Variants in TMED10 observed in about 807,000 individuals in gnomAD.
TMED10 encodes the protein transmembrane emp24 domain-containing protein 10.
In TMED10, 7 loss-of-function variants were observed where a neutral mutation model predicts 23.1. The ratio of observed to expected loss-of-function variants is 0.30; its 90% CI spans 0.17 to 0.57. The LOEUF is 0.57. Ranked by LOEUF, TMED10 falls within the 20% of genes least tolerant of loss-of-function variation. The pLI is 0.91. For missense variants in TMED10, 162 were observed against 274.8 expected, an observed-to-expected ratio of 0.59 and a Z score of 2.90; for synonymous variants, 113 against 106.9, an observed-to-expected ratio of 1.06 and a Z score of -0.35.
chr14:75,173,239 T>C (rs973345068), intron 1 of TMED10, among the ~76,000 whole-genome samples: 1 of 152,094 alleles, frequency 6.6e-6, no homozygotes, highest in South Asian at 2.1e-4. Context: ...ATATGAAAAC[T>C]AGCCGGATAT....
At chr14:75,158,568 T>G (rs1896049449) in intron 1 of TMED10, among the ~76,000 whole-genome samples, 1 of 151,872 alleles carries the variant, frequency 6.6e-6, no homozygotes, top group Non-Finnish European at 1.5e-5. Flanking sequence ...GCTCAAGTGA[T>G]CCTCCCACCT....
chr14:75,134,633 C>T lies in TMED10; in HGVS notation c.*252G>A, dbSNP rs373452683. On this transcript the variant is annotated 3_prime_UTR_variant, in exon 5 of 5. Transcript: ENST00000303575. ...TATCTAGGTAACCCCTATTTTTTGT[C>T]ATAGGTGACTCTAATAATAGACCTA... 4 of 398,838 alleles carry T rather than the reference C, an allele frequency of 1.0e-5. No individual in the cohort carries two copies. Among genetic ancestry groups the T allele is most frequent in the South Asian group, 3.1e-5 (1 of 32,672 alleles). The allele number at this position is 398,838 out of a possible 1,614,324, so 24.7% of individuals were successfully genotyped here. A position where few individuals can be genotyped will look rare whatever the true frequency, so the allele number is the denominator to read the frequency against.
intron 4 of TMED10, 181 bp downstream of exon 4, chr14:75,135,579 C>G (rs1895739422): frequency 1.3e-6 from 1 of 771,818 alleles, no homozygotes; most frequent in African/African-American, 1.8e-5. Flanking sequence ...GTAGGAGTTT[C>G]TACTCTCTTG....
intron 3 of TMED10, among the ~76,000 whole-genome samples, chr14:75,142,584 A>G (rs529723515): frequency 2.0e-5 from 3 of 152,194 alleles, no homozygotes; most frequent in Non-Finnish European, 4.4e-5. Context: ...CACACAGTTA[A>G]CACTCAATCA....
At chr14:75,135,323 C>G (rs1180343177) in intron 4 of TMED10, among the ~76,000 whole-genome samples, 1 of 152,012 alleles carries the variant, frequency 6.6e-6, no homozygotes, top group Admixed American at 6.6e-5. Context: ...GCCTATAGTC[C>G]CAGCTACTTG....
intron 1 of TMED10, among the ~76,000 whole-genome samples, chr14:75,160,365 G>A (rs1440802448): frequency 1.3e-5 from 2 of 152,106 alleles, no homozygotes; most frequent in African/African-American, 4.8e-5. Flanking sequence ...TGACTAACCA[G>A]AGCCAGCAAA....
In TMED10 at chr14:75,152,126, G is replaced by A; in HGVS notation, c.243C>T (p.Gly81=). The A allele has an allele frequency of 6.2e-7, 1 of 1,613,626 alleles. No homozygotes were observed. The highest frequency in any genetic ancestry group is 8.5e-7 in the Non-Finnish European group (1 of 1,179,756). ...RSHLKITDSA[G]HILYSKEDAT... Reference sequence around the variant, plus strand: ...CATCCTCTTTGGAGTAGAGAATATGGCCAGCAGAATCTGTGATCTAAAATA... The same window carrying A: ...CATCCTCTTTGGAGTAGAGAATATGACCAGCAGAATCTGTGATCTAAAATA... The change falls in exon 2 of 5, where the codon GGC becomes GGT. Residue 81 remains glycine (G), a synonymous_variant. Coordinates refer to ENST00000303575, the MANE Select transcript of TMED10 (RefSeq NM_006827.6).
chr14:75,163,457 G>A (rs1419806585), intron 1 of TMED10, among the ~76,000 whole-genome samples: 1 of 150,800 alleles, frequency 6.6e-6, no homozygotes, highest in African/African-American at 2.4e-5. Flanking sequence ...GGCAGCTGAG[G>A]CAGCAGAATC....
chr14:75,144,404 A>G (rs1007589522), intron 3 of TMED10, among the ~76,000 whole-genome samples: 4 of 152,258 alleles, frequency 2.6e-5, no homozygotes, highest in African/African-American at 9.6e-5. Context: ...GGACAAAGGC[A>G]TTCTTTCTCT....
chr14:75,136,262 A>C (rs1254545377), intron 3 of TMED10, among the ~76,000 whole-genome samples: 1 of 152,032 alleles, frequency 6.6e-6, no homozygotes, highest in African/African-American at 2.4e-5. Context: ...GGGCTCAGGC[A>C]ATCCTCTTGC....
At chr14:75,170,487 G>A (rs1896220121) in intron 1 of TMED10, among the ~76,000 whole-genome samples, 2 of 152,074 alleles carry the variant, frequency 1.3e-5, no homozygotes, top group Non-Finnish European at 2.9e-5. Flanking sequence ...AGAAAACAAG[G>A]ATGCTATCAA....
At chr14:75,169,949 C>T (rs567699984) in intron 1 of TMED10, among the ~76,000 whole-genome samples, 10 of 151,934 alleles carry the variant, frequency 6.6e-5, no homozygotes, top group African/African-American at 1.7e-4. Context: ...GTGGAACGGC[C>T]GGGCGTGGTG....
At chr14:75,135,152 T>G in intron 4 of TMED10, 146 bp from the exon 5 acceptor site, 1 of 1,089,694 alleles carries the variant, frequency 9.2e-7, no homozygotes, top group Non-Finnish European at 1.3e-6. Context: ...TTTTTCTTTT[T>G]AAGTTCATTA....
chr14:75,167,892 T>G (rs1233875305), intron 1 of TMED10, among the ~76,000 whole-genome samples: 1 of 152,112 alleles, frequency 6.6e-6, no homozygotes, highest in Non-Finnish European at 1.5e-5. Flanking sequence ...GGACCTGAAG[T>G]AATGGAGGAA....
At chr14:75,159,524 C>T (rs1258639847) in intron 1 of TMED10, among the ~76,000 whole-genome samples, 1 of 152,184 alleles carries the variant, frequency 6.6e-6, no homozygotes, top group East Asian at 1.9e-4. Flanking sequence ...TTTGCCCAAC[C>T]ACCTTATTTC....
At chr14:75,156,236 C>G (rs1896017824) in intron 1 of TMED10, among the ~76,000 whole-genome samples, 1 of 151,808 alleles carries the variant, frequency 6.6e-6, no homozygotes, top group Non-Finnish European at 1.5e-5. Context: ...GGAGAAGGGC[C>G]TTCAGTATAG....
chr14:75,175,870 A>G (rs1267745078), intron 1 of TMED10: 1 of 176,066 alleles, frequency 5.7e-6, no homozygotes, highest in Non-Finnish European at 1.2e-5. Flanking sequence ...AGGGTAGTGC[A>G]TGAACCAAAT....
rs1162058042 is a variant in TMED10, at chr14:75,132,801, G to A, written c.*2084C>T. 1 of 152,462 alleles carries A rather than the reference G, an allele frequency of 6.6e-6. No individual in the cohort carries two copies. Among genetic ancestry groups the A allele is most frequent in the Non-Finnish European group, 1.5e-5 (1 of 68,034 alleles). 9.4% of individuals were successfully genotyped at this position (152,462 alleles called of 1,614,324 possible). A position where few individuals can be genotyped will look rare whatever the true frequency, so the allele number is the denominator to read the frequency against. Reference sequence around the variant, plus strand: ...GATTCCAGTATTCTGTTTCTTTACTGTAAGATACATGTAATTCTTGCCACT... The same window carrying A: ...GATTCCAGTATTCTGTTTCTTTACTATAAGATACATGTAATTCTTGCCACT... On this transcript the variant is annotated 3_prime_UTR_variant, in exon 5 of 5. Transcript: ENST00000303575.
At chr14:75,164,553 ATATATATATATATATATATATATAT>A (rs1397926764) in intron 1 of TMED10, among the ~76,000 whole-genome samples, 1,073 of 6,008 alleles carry the variant, frequency 0.18, 58 homozygotes, top group Non-Finnish European at 0.23. Context: ...ATATATATAT[ATATATATATATATATATATATATAT>A]TTTTTTTTTT....
Sources: gnomAD v4.1 joint callset for allele counts (sites outside exome capture counted in the v4.1 genomes callset) on GRCh38, gnomAD v4.1.1 for gene constraint, MANE v1.5 for transcripts, NCBI Gene and HGNC (gene_info 2026-07-23, HGNC 2026-07-21) for gene names.